The following DNAH8 variants were observed in gnomAD, a reference collection of about 807,000 sequenced individuals.
The protein encoded by DNAH8 is axonemal beta dynein heavy chain 8.
A neutral mutation model predicts 562.1 loss-of-function variants in DNAH8; 382 were observed. That is an observed-to-expected ratio of 0.68 (90% CI 0.63 to 0.74). The LOEUF (loss-of-function observed/expected upper bound fraction) is 0.74, where lower values mean the gene tolerates loss of function less well. Ranked by LOEUF, DNAH8 falls within the 30% of genes least tolerant of loss-of-function variation. DNAH8 has a pLI of 0.00. For missense variants in DNAH8, 5,203 were observed against 5,620.4 expected (o/e 0.93, Z 2.37); for synonymous variants, 1,881 against 1,919.4 (o/e 0.98, Z 0.52).
intron 85 of DNAH8, among the ~76,000 whole-genome samples, chr6:38,981,031 G>C (rs979896507): frequency 8.4e-6 from 1 of 118,466 alleles, no homozygotes. Flanking sequence ...AAACGGCAGT[G>C]TGTGTGTGTG....
At position 38,775,951 on chromosome 6, in the gene DNAH8, G is replaced by A. The variant is rs1562742348; in HGVS notation, c.1962G>A (p.Glu654=). The A allele has an allele frequency of 2.5e-6, 4 of 1,598,492 alleles. No homozygotes were observed. The highest frequency in any genetic ancestry group is 3.4e-6 in the Non-Finnish European group (4 of 1,167,048). The change falls in exon 13 of 93, where the codon GAG becomes GAA. Residue 654 remains glutamate (E), a splice_region_variant and synonymous_variant. Coordinates refer to ENST00000327475, the MANE Select transcript of DNAH8 (RefSeq NM_001206927.2). ...LDFMTKINGL[E]VQIQAFMNSS... is the part of the protein sequence containing the mutation. ...TCATGACAAAAATCAATGGTTTAGA[G>A]GTAAGTAATTATACCTACTTTTACT...
At chr6:38,723,986 A>G (rs550848110) in intron 3 of DNAH8, among the ~76,000 whole-genome samples, 1 of 151,578 alleles carries the variant, frequency 6.6e-6, no homozygotes, top group South Asian at 2.1e-4. Flanking sequence ...TAATTAATTA[A>G]TTAATTAATT....
In DNAH8 at chr6:38,850,306, C is replaced by G. The variant is rs780954806; in HGVS notation, c.5255C>G (p.Ala1752Gly). Reference sequence around the variant, plus strand: ...TCTTGGATAAAAATAATGCAGCGAGCTCATGAGAATCCCAATGTGATTAAT... The same window carrying G: ...TCTTGGATAAAAATAATGCAGCGAGGTCATGAGAATCCCAATGTGATTAAT... ...DKSWIKIMQR[A>G]HENPNVINCC... The change falls in exon 38 of 93, where the codon GCT (alanine) becomes GGT (glycine). Residue 1752 changes from alanine (A) to glycine (G), a missense_variant. Physicochemically the swap from Ala to Gly is moderately conservative, Grantham distance 60 (BLOSUM62 0). Coordinates refer to ENST00000327475, the MANE Select transcript of DNAH8 (RefSeq NM_001206927.2). 6.2e-7 allele frequency: 1 copy of G among 1,613,504 alleles called. No homozygotes were observed. The highest frequency in any genetic ancestry group is 1.1e-5 in the South Asian group (1 of 91,036).
At chr6:38,746,924 C>A (rs1293952392) in intron 8 of DNAH8, among the ~76,000 whole-genome samples, 5 of 150,696 alleles carry the variant, frequency 3.3e-5, no homozygotes, top group African/African-American at 1.2e-4. Context: ...AGTGAGACTC[C>A]ATCTCAAAAA....
chr6:38,882,418 G>A (rs9357289), intron 53 of DNAH8, among the ~76,000 whole-genome samples: 43,124 of 152,082 alleles, frequency 0.28, 7,237 homozygotes, highest in East Asian at 0.81. Context: ...AAGAAACATG[G>A]ATGGAGCTGG....
chr6:38,884,982 A>G (rs1427910693), intron 56 of DNAH8, among the ~76,000 whole-genome samples: 3 of 151,964 alleles, frequency 2.0e-5, no homozygotes, highest in East Asian at 3.9e-4. Context: ...GACAAGTCCC[A>G]TTTTGCTCTT....
At chr6:38,800,203 A>C (rs958849087) in intron 21 of DNAH8, among the ~76,000 whole-genome samples, 3 of 151,400 alleles carry the variant, frequency 2.0e-5, no homozygotes, top group Non-Finnish European at 4.4e-5. Flanking sequence ...TGCTGCGAAC[A>C]TAAGTGTCTA....
At chr6:38,748,577 T>A (rs561414924) in intron 8 of DNAH8, among the ~76,000 whole-genome samples, 17 of 152,148 alleles carry the variant, frequency 1.1e-4, no homozygotes, top group African/African-American at 4.1e-4. Flanking sequence ...CTTGATTTTA[T>A]CATCCCTAGT....
intron 1 of DNAH8, among the ~76,000 whole-genome samples, chr6:38,719,837 C>T (rs1019700799): frequency 6.6e-6 from 1 of 152,186 alleles, no homozygotes; most frequent in Non-Finnish European, 1.5e-5. Context: ...TAAAACCCTA[C>T]CAAGCTCAAA....
chr6:38,863,982 A>T lies in DNAH8; in HGVS notation c.6420A>T (p.Lys2140Asn). Residue 2140 changes from lysine to asparagine, a missense_variant, in exon 45 of 93, where the codon AAA becomes AAT. This residue lies in a region of DNAH8 where 2,176 missense variants were observed against 2,365.1 expected (regional missense o/e 0.92). Transcript: ENST00000327475. ...QQIYIVLTARKERKKQFIFSD... is the reference protein window; with the variant it reads ...QQIYIVLTARNERKKQFIFSD... ...TTTATATTGTTTTGACAGCAAGAAA[A>T]GAAAGAAAGAAACAGTTCATTTTTT... 1 of 1,611,284 alleles carries T rather than the reference A, an allele frequency of 6.2e-7. No individual in the cohort carries two copies. Among genetic ancestry groups the T allele is most frequent in the Non-Finnish European group, 8.5e-7 (1 of 1,179,168 alleles).
chr6:38,832,570 A>C, intron 31 of DNAH8, 135 bp downstream of exon 31: 1 of 563,074 alleles, frequency 1.8e-6, no homozygotes, highest in Non-Finnish European at 3.2e-6. Flanking sequence ...TATCAGAAAA[A>C]GGGGATAGCT....
chr6:38,756,916 A>G (rs1303823884), intron 10 of DNAH8, among the ~76,000 whole-genome samples: 1 of 151,332 alleles, frequency 6.6e-6, no homozygotes. Flanking sequence ...AATCCCGTCT[A>G]TCATTGTTGG....
At chr6:38,900,004 T>C in intron 62 of DNAH8, 98 bp downstream of exon 62, 1 of 1,114,916 alleles carries the variant, frequency 9.0e-7, no homozygotes, top group Non-Finnish European at 1.2e-6. Context: ...CTGTATTTCT[T>C]TTTAAGGTAA....
intron 8 of DNAH8, among the ~76,000 whole-genome samples, chr6:38,746,453 A>G (rs538631489): frequency 1.1e-4 from 17 of 152,138 alleles, no homozygotes; most frequent in African/African-American, 4.1e-4. Flanking sequence ...GGTTTATTTT[A>G]TTGGAGAGTA....
chr6:38,880,377 G>T, intron 53 of DNAH8, among the ~76,000 whole-genome samples: 1 of 151,850 alleles, frequency 6.6e-6, no homozygotes. Context: ...CCAAATAAGG[G>T]GACAGATCTT....
intron 88 of DNAH8, among the ~76,000 whole-genome samples, chr6:38,990,453 T>A (rs1040916456): frequency 1.3e-5 from 2 of 152,206 alleles, no homozygotes; most frequent in South Asian, 4.1e-4. Flanking sequence ...TTGGTGTTAG[T>A]GGTAGCAGTG....
At chr6:38,885,327 A>G (rs1778841132) in intron 56 of DNAH8, among the ~76,000 whole-genome samples, 1 of 152,056 alleles carries the variant, frequency 6.6e-6, no homozygotes, top group Admixed American at 6.5e-5. Context: ...CTCTATCTTC[A>G]CACTGTATCT....
At chr6:38,929,967 A>G (rs1389953654) in intron 75 of DNAH8, among the ~76,000 whole-genome samples, 1 of 152,134 alleles carries the variant, frequency 6.6e-6, no homozygotes, top group Admixed American at 6.6e-5. Flanking sequence ...TTAAGGAAAC[A>G]CATTGTCTGG....
chr6:38,923,702 A>C (rs1247718333), intron 72 of DNAH8: 4 of 335,486 alleles, frequency 1.2e-5, no homozygotes, highest in Non-Finnish European at 1.6e-5. Flanking sequence ...AATAAGAGCA[A>C]GGGACAGGAT....
Sources: gnomAD v4.1 joint callset for allele counts (sites outside exome capture counted in the v4.1 genomes callset) on GRCh38, gnomAD v4.1.1 for gene constraint, gnomAD v4.1.1 regional missense constraint, MANE v1.5 for transcripts, NCBI Gene and HGNC (gene_info 2026-07-23, HGNC 2026-07-21) for gene names.